MARCHF5: variants seen among roughly 807,000 people sequenced by gnomAD.
The protein encoded by MARCHF5 is E3 ubiquitin-protein ligase MARCHF5.
In MARCHF5, 5 loss-of-function variants were observed where a neutral mutation model predicts 36.5. The ratio of observed to expected loss-of-function variants is 0.14; its 90% CI spans 0.07 to 0.29. The LOEUF is 0.29. Among genes scored for constraint, MARCHF5 ranks in the 10% least tolerant of loss-of-function variants. The pLI, the probability that MARCHF5 is intolerant of heterozygous loss-of-function variation, is 1.00. For missense variants in MARCHF5, 179 were observed against 336.3 expected (o/e 0.53, Z 3.66); for synonymous variants, 103 against 109.9 (o/e 0.94, Z 0.39).
At chr10:92,300,632 T>C (rs1843001189) in intron 1 of MARCHF5, among the ~76,000 whole-genome samples, 1 of 152,220 alleles carries the variant, frequency 6.6e-6, no homozygotes, top group Non-Finnish European at 1.5e-5. Flanking sequence ...TTTTAAAGCC[T>C]TTCTTCTCTT....
At chr10:92,310,321 G>A (rs929685245) in intron 1 of MARCHF5, among the ~76,000 whole-genome samples, 1 of 152,106 alleles carries the variant, frequency 6.6e-6, no homozygotes, top group Non-Finnish European at 1.5e-5. Flanking sequence ...TGCCCTGATG[G>A]AAATCGATGT....
rs79663952 is a variant in MARCHF5, at chr10:92,300,865, C to T, written c.35+9336C>T. 1.8e-3 allele frequency among the ~76,000 whole-genome samples: 277 copies of T among 150,498 alleles called. 1 individual carries two copies. The highest frequency in any genetic ancestry group is 6.3e-3 in the African/African-American group (260 of 41,000). ...TCTCTTCTTCTCCAGACTCATGTAG[C>T]AGTTCATCTTCAGTGCCTCCTAATT... On this transcript the variant is annotated intron_variant, in intron 1 of 5. Coordinates refer to ENST00000358935, the MANE Select transcript of MARCHF5 (RefSeq NM_017824.5).
rs1167848303 is a variant in MARCHF5, at chr10:92,298,379, CTG to C, written c.35+6854_35+6855del. On this transcript the variant is annotated intron_variant, in intron 1 of 5. Transcript: ENST00000358935. The stretch of plus-strand genomic sequence containing the variant: ...CTGTTTATTCAAACAACTCCCAGAT[CTG>C]TGTCTTTATTCCTGACCTCTTTTCC... Among the ~76,000 whole-genome samples the C allele has an allele frequency of 3.3e-5, 5 of 152,298 alleles. No individual in the cohort carries two copies. In the East Asian group the frequency reaches 7.7e-4, roughly 24 times the overall value.
chr10:92,349,630 C>T, intron 4 of MARCHF5, 41 bp from the exon 5 acceptor site: 1 of 1,602,932 alleles, frequency 6.2e-7, no homozygotes, highest in Admixed American at 1.7e-5. Context: ...TCTAACTCTT[C>T]TGATTTATTA....
chr10:92,297,454 A>C (rs574112027), intron 1 of MARCHF5, among the ~76,000 whole-genome samples: 129 of 148,414 alleles, frequency 8.7e-4, no homozygotes, highest in Non-Finnish European at 1.6e-3. Context: ...GGGGGACTAC[A>C]GGTGTGTTCC....
chr10:92,309,797 G>T (rs1843123126), intron 1 of MARCHF5, among the ~76,000 whole-genome samples: 1 of 151,806 alleles, frequency 6.6e-6, no homozygotes, highest in South Asian at 2.1e-4. Context: ...GGCTAAAATG[G>T]TAGATTTTAT....
At chr10:92,323,977 A>G (rs1843323171) in intron 2 of MARCHF5, among the ~76,000 whole-genome samples, 1 of 152,218 alleles carries the variant, frequency 6.6e-6, no homozygotes, top group East Asian at 1.9e-4. Flanking sequence ...GAAGCCTTGA[A>G]ACTATCCTCC....
At chr10:92,303,306 A>G (rs1843037742) in intron 1 of MARCHF5, among the ~76,000 whole-genome samples, 1 of 152,122 alleles carries the variant, frequency 6.6e-6, no homozygotes, top group African/African-American at 2.4e-5. Flanking sequence ...TTCTGCTCCA[A>G]CCACATTGGT....
At chr10:92,318,509 C>T (rs1225618927) in intron 2 of MARCHF5, among the ~76,000 whole-genome samples, 1 of 151,630 alleles carries the variant, frequency 6.6e-6, no homozygotes, top group Non-Finnish European at 1.5e-5. Flanking sequence ...TTGCTTGAGC[C>T]CAGGAGTTCG....
chr10:92,343,079 C>G (rs1268286349), intron 3 of MARCHF5, among the ~76,000 whole-genome samples: 1 of 152,204 alleles, frequency 6.6e-6, no homozygotes, highest in Non-Finnish European at 1.5e-5. Flanking sequence ...CTGACTTGAA[C>G]TTTAGCATGA....
chr10:92,325,119 G>A (rs993168172), intron 2 of MARCHF5, among the ~76,000 whole-genome samples: 5 of 151,938 alleles, frequency 3.3e-5, no homozygotes, highest in Admixed American at 6.6e-5. Flanking sequence ...GATCATTTGC[G>A]CCTAGAAGTT....
At chr10:92,332,963 G>A (rs1190200845) in intron 2 of MARCHF5, among the ~76,000 whole-genome samples, 1 of 151,836 alleles carries the variant, frequency 6.6e-6, no homozygotes, top group African/African-American at 2.4e-5. Flanking sequence ...TCAGGAGTTC[G>A]AGATCAGCCT....
chr10:92,315,156 G>T (rs948684236), intron 2 of MARCHF5, among the ~76,000 whole-genome samples: 1 of 152,136 alleles, frequency 6.6e-6, no homozygotes, highest in Non-Finnish European at 1.5e-5. Context: ...CTTTTAAAAA[G>T]TTGCTTGTAT....
intron 2 of MARCHF5, among the ~76,000 whole-genome samples, chr10:92,313,927 C>T (rs1843176655): frequency 6.6e-6 from 1 of 152,034 alleles, no homozygotes; most frequent in African/African-American, 2.4e-5. Flanking sequence ...GTCATGGTAG[C>T]TCACATCTGT....
At position 92,352,555 on chromosome 10, in the gene MARCHF5, C is replaced by A. The variant is rs532310729; in HGVS notation, c.*1348C>A. 1 of 151,984 alleles carries A rather than the reference C, an allele frequency of 6.6e-6. No individual in the cohort carries two copies. Among genetic ancestry groups the A allele is most frequent in the African/African-American group, 2.4e-5 (1 of 41,408 alleles). 9.4% of individuals were successfully genotyped at this position (151,984 alleles called of 1,614,324 possible). ...AATTTTTAAGAGATATTTTCAAAAC[C>A]CTATTTATTTTCTTGTTCACAGTAA... On this transcript the variant is annotated 3_prime_UTR_variant, in exon 6 of 6. Coordinates refer to ENST00000358935, the MANE Select transcript of MARCHF5 (RefSeq NM_017824.5).
intron 2 of MARCHF5, among the ~76,000 whole-genome samples, chr10:92,314,439 C>G (rs1183624531): frequency 1.3e-5 from 2 of 152,124 alleles, no homozygotes; most frequent in African/African-American, 2.4e-5. Flanking sequence ...ATCAGGAGTT[C>G]AAGACCAGCT....
At chr10:92,317,168 G>A (rs117486477) in intron 2 of MARCHF5, among the ~76,000 whole-genome samples, 7,084 of 152,252 alleles carry the variant, frequency 0.047, 226 homozygotes, top group Middle Eastern at 0.078. Flanking sequence ...GCAGTGGTGC[G>A]AAGTTGGCTC....
chr10:92,310,636 G>A (rs917336705), intron 1 of MARCHF5, among the ~76,000 whole-genome samples: 2 of 151,530 alleles, frequency 1.3e-5, no homozygotes, highest in African/African-American at 2.4e-5. Context: ...ATACTTTACC[G>A]GAAAGAAAAA....
intron 2 of MARCHF5, among the ~76,000 whole-genome samples, chr10:92,339,930 A>G (rs184552838): frequency 0.015 from 2,209 of 152,342 alleles, 56 homozygotes; most frequent in African/African-American, 0.05. Context: ...AACTGGCTTC[A>G]TAATCATAAA....
Sources: allele counts gnomAD v4.1 joint callset (sites outside exome capture counted in the v4.1 genomes callset), GRCh38; gene constraint gnomAD v4.1.1; transcripts MANE v1.5; gene names NCBI Gene and HGNC (gene_info 2026-07-23, HGNC 2026-07-21).